The following CD2AP variants were observed in gnomAD, a reference collection of about 807,000 sequenced individuals.
CD2AP encodes the protein CD2 associated protein, also known as CD2-associated protein.
CD2AP carries 46 observed loss-of-function variants against 85.1 expected under a neutral mutation model. The observed-to-expected ratio is 0.54, with a 90% CI of 0.43 to 0.69. The LOEUF is 0.69. Among genes scored for constraint, CD2AP ranks in the 30% least tolerant of loss-of-function variants. The pLI is 0.00. For synonymous variants in CD2AP, 255 were observed against 252.9 expected (o/e 1.01, Z -0.08); for missense variants, 769 against 729.5 (o/e 1.05, Z -0.62).
intron 12 of CD2AP, among the ~76,000 whole-genome samples, chr6:47,598,314 A>G (rs767494418): frequency 6.6e-6 from 1 of 151,172 alleles, no homozygotes; most frequent in African/African-American, 2.4e-5. Flanking sequence ...AATGTAAACT[A>G]GTAGAACCAC....
intron 15 of CD2AP, among the ~76,000 whole-genome samples, chr6:47,608,764 A>C (rs1468174703): frequency 6.6e-6 from 1 of 152,154 alleles, no homozygotes; most frequent in Non-Finnish European, 1.5e-5. Context: ...AGCTCTTTGG[A>C]CATTCCAAAC....
chr6:47,594,722 T>C (rs924861405), intron 11 of CD2AP, among the ~76,000 whole-genome samples: 1 of 152,008 alleles, frequency 6.6e-6, no homozygotes, highest in Non-Finnish European at 1.5e-5. Context: ...AAAAATAGAT[T>C]TTTGTACCAA....
intron 1 of CD2AP, among the ~76,000 whole-genome samples, chr6:47,489,561 T>G (rs1765670525): frequency 6.6e-6 from 1 of 152,152 alleles, no homozygotes; most frequent in Admixed American, 6.5e-5. Flanking sequence ...TTTTGGTAAT[T>G]TTAAAATTCA....
At chr6:47,553,247 A>C (rs1053332990) in intron 4 of CD2AP, among the ~76,000 whole-genome samples, 1 of 152,190 alleles carries the variant, frequency 6.6e-6, no homozygotes, top group Non-Finnish European at 1.5e-5. Context: ...ATGGAAAACA[A>C]TTAAAAATAT....
At chr6:47,515,945 A>G (rs1766441514) in intron 2 of CD2AP, among the ~76,000 whole-genome samples, 1 of 152,212 alleles carries the variant, frequency 6.6e-6, no homozygotes, top group African/African-American at 2.4e-5. Flanking sequence ...ATATGTGGGA[A>G]AAAAAGTAAA....
At chr6:47,572,381 C>T (rs548550040) in intron 5 of CD2AP, among the ~76,000 whole-genome samples, 2 of 152,246 alleles carry the variant, frequency 1.3e-5, no homozygotes, top group Non-Finnish European at 2.9e-5. Flanking sequence ...AAAACGGGTT[C>T]ATTTTATTCA....
intron 5 of CD2AP, among the ~76,000 whole-genome samples, chr6:47,570,648 T>A (rs1242678358): frequency 1.3e-5 from 2 of 152,116 alleles, no homozygotes; most frequent in East Asian, 1.9e-4. Flanking sequence ...TTTAAAGTTT[T>A]AAAAAAATAA....
At chr6:47,500,770 G>A (rs1765977438) in intron 1 of CD2AP, among the ~76,000 whole-genome samples, 3 of 146,540 alleles carry the variant, frequency 2.0e-5, no homozygotes, top group Admixed American at 6.8e-5. Context: ...TTTTTGAGAC[G>A]GAGTCCTGCC....
intron 2 of CD2AP, among the ~76,000 whole-genome samples, chr6:47,512,027 G>A (rs1028926219): frequency 3.9e-5 from 6 of 151,930 alleles, no homozygotes; most frequent in Non-Finnish European, 7.4e-5. Flanking sequence ...GCGTAGTGGC[G>A]GGCGGCTGTA....
chr6:47,492,701 T>C (rs910548732), intron 1 of CD2AP, among the ~76,000 whole-genome samples: 2 of 152,304 alleles, frequency 1.3e-5, no homozygotes, highest in Admixed American at 1.3e-4. Context: ...AGATACTCTG[T>C]CTTTTATTCC....
At chr6:47,492,813 A>AT (rs932912307) in intron 1 of CD2AP, among the ~76,000 whole-genome samples, 3 of 151,344 alleles carry the variant, frequency 2.0e-5, no homozygotes, top group East Asian at 3.9e-4. Flanking sequence ...TGGTTGCATT[A>AT]TTTTTTTTCC....
intron 2 of CD2AP, among the ~76,000 whole-genome samples, chr6:47,528,129 T>A (rs1766777773): frequency 6.6e-6 from 1 of 152,206 alleles, no homozygotes; most frequent in Non-Finnish European, 1.5e-5. Flanking sequence ...GTACTGTAGT[T>A]TATTTAAATA....
chr6:47,551,603 G>A (rs540431825), intron 4 of CD2AP, among the ~76,000 whole-genome samples: 1 of 152,308 alleles, frequency 6.6e-6, no homozygotes, highest in Admixed American at 6.5e-5. Flanking sequence ...AGTGGTGGCT[G>A]TTTTAGTTAC....
intron 9 of CD2AP, 72 bp downstream of exon 9, chr6:47,579,561 T>A: frequency 1.1e-6 from 1 of 946,288 alleles, no homozygotes; most frequent in Non-Finnish European, 1.7e-6. Context: ...CAAACAAGTT[T>A]TTTTGCATTA....
intron 3 of CD2AP, among the ~76,000 whole-genome samples, chr6:47,537,872 C>G (rs576479588): frequency 6.6e-6 from 1 of 151,932 alleles, no homozygotes; most frequent in African/African-American, 2.4e-5. Flanking sequence ...GCCTCAGCCT[C>G]CCCAGTAGCT....
chr6:47,579,324 C>T, intron 8 of CD2AP, 61 bp from the exon 9 acceptor site: 1 of 943,446 alleles, frequency 1.1e-6, no homozygotes, highest in Admixed American at 2.1e-5. Flanking sequence ...AACAGAGCAA[C>T]ACTTTATCTT....
At chr6:47,581,713 A>G (rs564755973) in intron 10 of CD2AP, among the ~76,000 whole-genome samples, 15 of 152,286 alleles carry the variant, frequency 9.8e-5, no homozygotes, top group Non-Finnish European at 1.8e-4. Context: ...TTGGATACTG[A>G]AAAAATAGAA....
chr6:47,559,826 C>A (rs1767802361), intron 5 of CD2AP, among the ~76,000 whole-genome samples: 1 of 152,046 alleles, frequency 6.6e-6, no homozygotes, highest in Non-Finnish European at 1.5e-5. Flanking sequence ...CAGGCTTTTG[C>A]TGTGGTAGAA....
intron 1 of CD2AP, among the ~76,000 whole-genome samples, chr6:47,491,353 C>G (rs1318582716): frequency 6.6e-6 from 1 of 150,974 alleles, no homozygotes; most frequent in African/African-American, 2.4e-5. Flanking sequence ...GTATTTTCAT[C>G]ATATTCCTAC....
Sources: allele counts gnomAD v4.1 joint callset (sites outside exome capture counted in the v4.1 genomes callset), GRCh38; gene constraint gnomAD v4.1.1; transcripts MANE v1.5; gene names NCBI Gene and HGNC (gene_info 2026-07-23, HGNC 2026-07-21).